The following CFAP77 variants were observed in gnomAD, a reference collection of about 807,000 sequenced individuals.
CFAP77 encodes the protein cilia- and flagella-associated protein 77.
Under a neutral mutation model 31.1 loss-of-function variants are expected in CFAP77, and 25 were observed. That is an observed-to-expected ratio of 0.80 (90% CI 0.59 to 1.12). The LOEUF (loss-of-function observed/expected upper bound fraction) is 1.12, where lower values mean the gene tolerates loss of function less well. CFAP77 is among the 50% of genes most tolerant of loss of function. CFAP77 has a pLI of 0.00. For synonymous variants in CFAP77, 151 were observed against 159.9 expected, an observed-to-expected ratio of 0.94 and a Z score of 0.42; for missense variants, 377 against 397.3, an observed-to-expected ratio of 0.95 and a Z score of 0.44.
intron 5 of CFAP77, among the ~76,000 whole-genome samples, chr9:132,559,160 C>T (rs757787728): frequency 2.8e-4 from 43 of 151,854 alleles, no homozygotes; most frequent in Admixed American, 3.9e-4. Flanking sequence ...CTGGCTAACA[C>T]GGTGAAACCC....
At chr9:132,559,346 CAA>C (rs35737685) in intron 5 of CFAP77, among the ~76,000 whole-genome samples, 702 of 56,104 alleles carry the variant, frequency 0.013, 10 homozygotes, top group Non-Finnish European at 0.017. Context: ...CTCTGTCTTG[CAA>C]AAAAAAAAAA....
intron 3 of CFAP77, among the ~76,000 whole-genome samples, chr9:132,533,463 C>G (rs1256940108): frequency 6.8e-6 from 1 of 146,984 alleles, no homozygotes; most frequent in Non-Finnish European, 1.5e-5. Flanking sequence ...TCCCAGGGCT[C>G]TAGCCGAGGA....
chr9:132,460,172 C>G (rs1423267353), intron 1 of CFAP77, among the ~76,000 whole-genome samples: 1 of 152,136 alleles, frequency 6.6e-6, no homozygotes, highest in Non-Finnish European at 1.5e-5. Context: ...TGCTGTTGCT[C>G]TCTCTGCCTT....
intron 3 of CFAP77, among the ~76,000 whole-genome samples, chr9:132,504,927 C>T (rs551534): frequency 0.37 from 55,998 of 152,180 alleles, 10,593 homozygotes; most frequent in African/African-American, 0.45. Context: ...GCCTCAACTG[C>T]ATTTCTTTCT....
At position 132,539,756 on chromosome 9, in the gene CFAP77, C is replaced by T. The variant is rs7041771; in HGVS notation, c.630+2050C>T. Among the ~76,000 whole-genome samples the T allele has an allele frequency of 0.067, 10,217 of 152,124 alleles. 1,140 individuals carry two copies. Among genetic ancestry groups the T allele is most frequent in the African/African-American group, 0.23 (9,714 of 41,446 alleles). ...ACGTCAGACACCTCATTAAAGAGCT[C>T]GGCCTTGTAATAACATTTTAAGAGC... On this transcript the variant is annotated intron_variant, in intron 4 of 5. Coordinates refer to ENST00000393216, the MANE Select transcript of CFAP77 (RefSeq NM_001282957.2). The surrounding 1 kb of genome is among the most constrained non-coding windows in gnomAD (Gnocchi z 4.3).
chr9:132,444,718 T>C (rs1337196371), intron 1 of CFAP77, among the ~76,000 whole-genome samples: 2 of 152,204 alleles, frequency 1.3e-5, no homozygotes, highest in Non-Finnish European at 2.9e-5. Context: ...ATTGATCTTT[T>C]TTCTTTAAAA....
chr9:132,435,172 C>T (rs928448519), intron 1 of CFAP77, among the ~76,000 whole-genome samples: 5 of 152,136 alleles, frequency 3.3e-5, no homozygotes, highest in Non-Finnish European at 5.9e-5. Context: ...GAATGCAACC[C>T]AGGCAAGACT....
intron 3 of CFAP77, among the ~76,000 whole-genome samples, chr9:132,506,629 T>C (rs761661180): frequency 1.6e-4 from 25 of 152,098 alleles, no homozygotes; most frequent in African/African-American, 5.1e-4. Flanking sequence ...GTGTCTCACA[T>C]GGGCCAGATG....
At chr9:132,502,230 C>A (rs1851856924) in intron 3 of CFAP77, among the ~76,000 whole-genome samples, 1 of 144,958 alleles carries the variant, frequency 6.9e-6, no homozygotes, top group South Asian at 2.2e-4. Flanking sequence ...GGACTAGGTG[C>A]CTTCCTTTGA....
At chr9:132,519,452 ATGGG>A (rs1852211076) in intron 3 of CFAP77, among the ~76,000 whole-genome samples, 1 of 53,088 alleles carries the variant, frequency 1.9e-5, no homozygotes, top group Non-Finnish European at 3.7e-5. Context: ...GCATGGATGG[ATGGG>A]TGGGTGGGTA....
At chr9:132,482,463 G>C (rs1405241355) in intron 1 of CFAP77, 6 of 1,525,560 alleles carry the variant, frequency 3.9e-6, no homozygotes, top group Non-Finnish European at 5.4e-6. Flanking sequence ...GAGAAAAAGG[G>C]GAAAAGAGGG....
intron 1 of CFAP77, among the ~76,000 whole-genome samples, chr9:132,437,945 C>A (rs1329746602): frequency 6.6e-6 from 1 of 151,656 alleles, no homozygotes; most frequent in Non-Finnish European, 1.5e-5. Context: ...CGCAGTGGCT[C>A]ACTCCTGTAA....
intron 1 of CFAP77, among the ~76,000 whole-genome samples, chr9:132,493,830 C>CTT (rs1255550883): frequency 6.6e-6 from 1 of 152,146 alleles, no homozygotes; most frequent in African/African-American, 2.4e-5. Flanking sequence ...CTCAGAGTTT[C>CTT]TTTTTTTCTT....
At chr9:132,500,908 C>T (rs76082049) in intron 3 of CFAP77, among the ~76,000 whole-genome samples, 15,244 of 152,284 alleles carry the variant, frequency 0.1, 798 homozygotes, top group South Asian at 0.15. Context: ...AGCCATGCGT[C>T]CCATCCAGTC....
At chr9:132,547,325 T>C (rs912266298) in intron 5 of CFAP77, among the ~76,000 whole-genome samples, 6 of 152,172 alleles carry the variant, frequency 3.9e-5, no homozygotes, top group Non-Finnish European at 7.4e-5. Context: ...TAAAATGGGC[T>C]AACAAATGCT....
chr9:132,514,537 T>G (rs972088382), intron 3 of CFAP77, among the ~76,000 whole-genome samples: 4 of 152,192 alleles, frequency 2.6e-5, no homozygotes, highest in Non-Finnish European at 4.4e-5. Context: ...CTGAGTGGCC[T>G]GGCGGATCTC....
chr9:132,562,137 A>T (rs918505344), intron 5 of CFAP77, among the ~76,000 whole-genome samples: 1 of 152,176 alleles, frequency 6.6e-6, no homozygotes, highest in Non-Finnish European at 1.5e-5. Context: ...TCAAATTTGG[A>T]ATCCTGCCCA....
intron 3 of CFAP77, among the ~76,000 whole-genome samples, chr9:132,502,584 G>A (rs940416411): frequency 2.6e-5 from 4 of 152,056 alleles, no homozygotes; most frequent in Non-Finnish European, 5.9e-5. Context: ...ACAATGTTTG[G>A]CTTTTTGTGT....
chr9:132,531,751 G>A (rs1662693469), intron 3 of CFAP77, among the ~76,000 whole-genome samples: 1 of 152,116 alleles, frequency 6.6e-6, no homozygotes, highest in South Asian at 2.1e-4. Context: ...CAGCAGAAGG[G>A]GCACAGCCTG....
Sources: allele counts gnomAD v4.1 joint callset (sites outside exome capture counted in the v4.1 genomes callset), GRCh38; gene constraint gnomAD v4.1.1; non-coding constraint Gnocchi (gnomAD v3.1); transcripts MANE v1.5; gene names NCBI Gene and HGNC (gene_info 2026-07-23, HGNC 2026-07-21).